The following ZSWIM6 variants were observed in gnomAD, a reference collection of about 807,000 sequenced individuals.
ZSWIM6 encodes zinc finger SWIM domain-containing protein 6.
ZSWIM6 carries 9 observed loss-of-function variants against 113.2 expected under a neutral mutation model. That is an observed-to-expected ratio of 0.08 (90% CI 0.05 to 0.14). The LOEUF is 0.14. ZSWIM6 is among the 10% of genes least tolerant of loss of function. ZSWIM6 has a pLI of 1.00. For synonymous variants in ZSWIM6, 611 were observed against 606.5 expected (o/e 1.01, Z -0.11); for missense variants, 1,162 against 1,552.2 (o/e 0.75, Z 4.22).
chr5:61,455,627 C>T (rs2218526), intron 1 of ZSWIM6, among the ~76,000 whole-genome samples: 24,164 of 152,098 alleles, frequency 0.16, 2,167 homozygotes, highest in African/African-American at 0.22. Flanking sequence ...AGGGAGCAGA[C>T]GGAGCACTTG....
At position 61,406,729 on chromosome 5, in the gene ZSWIM6, T is replaced by TA. The variant is rs1561225267; in HGVS notation, c.677-65952_677-65951insA. Among the ~76,000 whole-genome samples the TA allele has an allele frequency of 5.3e-5, 8 of 151,108 alleles. No homozygotes were observed. The East Asian group carries it at 9.7e-4, about 18-fold the overall frequency. On this transcript the variant is annotated intron_variant, in intron 1 of 13. Coordinates refer to ENST00000252744, the MANE Select transcript of ZSWIM6 (RefSeq NM_020928.2). ...TTATTTATTTATTTATTTATTTATT[T>TA]TGAGACAGAGTCTTGCTCTGTCACC...
chr5:61,339,511 G>A (rs1251754199), intron 1 of ZSWIM6, among the ~76,000 whole-genome samples: 1 of 151,334 alleles, frequency 6.6e-6, no homozygotes, highest in Non-Finnish European at 1.5e-5. Flanking sequence ...AAATAAATTT[G>A]GTACCTTTAT....
intron 1 of ZSWIM6, among the ~76,000 whole-genome samples, chr5:61,413,188 A>G (rs1746180767): frequency 1.0e-5 from 1 of 99,216 alleles, no homozygotes; most frequent in African/African-American, 4.0e-5. Context: ...CCACCCCACA[A>G]CAGTCCCCAG....
chr5:61,348,481 C>T (rs879268208), intron 1 of ZSWIM6, among the ~76,000 whole-genome samples: 10 of 152,056 alleles, frequency 6.6e-5, no homozygotes, highest in Non-Finnish European at 1.5e-4. Flanking sequence ...TTCATACTTC[C>T]TGTTAAAGAT....
In ZSWIM6 at chr5:61,472,652, ACCCT is replaced by A; in HGVS notation, c.677-24_677-21del. Reference sequence around the variant, plus strand: ...CATAGCATCTGAATGCAGAAGCTAAACCCTCCCTTTCTTTCTTTCACCCTCAAGG... The same window carrying A: ...CATAGCATCTGAATGCAGAAGCTAAACCCTTTCTTTCTTTCACCCTCAAGG... On this transcript the variant is annotated intron_variant, in intron 1 of 13. Coordinates refer to ENST00000252744, the MANE Select transcript of ZSWIM6 (RefSeq NM_020928.2). The surrounding 1 kb of genome is among the most constrained non-coding windows in gnomAD (Gnocchi z 4.1). 2 of 1,457,076 alleles carry A rather than the reference ACCCT, an allele frequency of 1.4e-6. No homozygotes were observed. Among genetic ancestry groups the A allele is most frequent in the South Asian group, 2.9e-5 (2 of 70,068 alleles). The allele number at this position is 1,457,076 out of a possible 1,614,324, so 90.3% of individuals were successfully genotyped here.
chr5:61,429,435 G>C (rs982823072), intron 1 of ZSWIM6, among the ~76,000 whole-genome samples: 5 of 152,194 alleles, frequency 3.3e-5, no homozygotes, highest in African/African-American at 4.8e-5. Flanking sequence ...AGAAAATTTA[G>C]GGGAAGGCCT....
At chr5:61,397,324 A>G (rs1286199884) in intron 1 of ZSWIM6, among the ~76,000 whole-genome samples, 1 of 152,244 alleles carries the variant, frequency 6.6e-6, no homozygotes, top group Admixed American at 6.5e-5. Context: ...TGGATTTACC[A>G]CTGATAAATT....
Position 61,516,789 on chromosome 5 carries a change from A to G in ZSWIM6, c.1334-4474A>G, listed in dbSNP as rs553334758. On this transcript the variant is annotated intron_variant, in intron 4 of 13. Coordinates refer to ENST00000252744, the MANE Select transcript of ZSWIM6 (RefSeq NM_020928.2). Reference sequence around the variant, plus strand: ...AACTTCCAAGTTTCCTTCTGATACTATTTCTCCTCGGCATAAAGAATTTCC... The same window carrying G: ...AACTTCCAAGTTTCCTTCTGATACTGTTTCTCCTCGGCATAAAGAATTTCC... Among the ~76,000 whole-genome samples the G allele has an allele frequency of 1.3e-3, 193 of 151,840 alleles. 1 individual carries two copies. The highest frequency in any genetic ancestry group is 3.1e-3 in the South Asian group (15 of 4,810).
intron 1 of ZSWIM6, 61 bp downstream of exon 1, chr5:61,333,009 G>GGGGGCGCC: frequency 2.3e-6 from 1 of 439,904 alleles, no homozygotes; most frequent in Non-Finnish European, 3.2e-6. Context: ...TGGGGGGGGG[G>GGGGGCGCC]TGCCCGCCTT....
At chr5:61,541,461 C>G (rs969767655) in intron 12 of ZSWIM6, among the ~76,000 whole-genome samples, 6 of 152,194 alleles carry the variant, frequency 3.9e-5, no homozygotes, top group Non-Finnish European at 7.3e-5. Flanking sequence ...TAAAATACCT[C>G]TTTCCCCACT....
At chr5:61,527,409 T>C (rs1749317737) in intron 7 of ZSWIM6, among the ~76,000 whole-genome samples, 1 of 152,192 alleles carries the variant, frequency 6.6e-6, no homozygotes, top group Non-Finnish European at 1.5e-5. Flanking sequence ...AGAGTATAAC[T>C]AAAAATTATT....
At chr5:61,427,542 G>T (rs1380043445) in intron 1 of ZSWIM6, among the ~76,000 whole-genome samples, 1 of 151,970 alleles carries the variant, frequency 6.6e-6, no homozygotes, top group East Asian at 1.9e-4. Flanking sequence ...GTAGTGGCAT[G>T]TTTGTAACTT....
intron 1 of ZSWIM6, among the ~76,000 whole-genome samples, chr5:61,445,448 T>A (rs999213797): frequency 2.6e-5 from 4 of 152,212 alleles, no homozygotes; most frequent in Non-Finnish European, 5.9e-5. Flanking sequence ...GCAACATTTG[T>A]ATATATTTTG....
intron 1 of ZSWIM6, among the ~76,000 whole-genome samples, chr5:61,386,124 A>G (rs1400770158): frequency 6.6e-6 from 1 of 152,220 alleles, no homozygotes; most frequent in Non-Finnish European, 1.5e-5. Context: ...TGAAGTTGTA[A>G]AAAGCTCTCC....
chr5:61,432,179 A>G (rs1314427305), intron 1 of ZSWIM6, among the ~76,000 whole-genome samples: 3 of 152,196 alleles, frequency 2.0e-5, no homozygotes, highest in Non-Finnish European at 2.9e-5. Flanking sequence ...ATTTCAAAAC[A>G]ATTTTGCTTC....
chr5:61,545,080 CAAA>C lies in ZSWIM6; in HGVS notation c.*771_*773del, dbSNP rs11406379. 2.0e-5 allele frequency: 3 copies of C among 148,672 alleles called. No individual in the cohort carries two copies. The highest frequency in any genetic ancestry group is 4.9e-5 in the African/African-American group (2 of 40,576). 9.2% of individuals were successfully genotyped at this position (148,672 alleles called of 1,614,324 possible). On this transcript the variant is annotated 3_prime_UTR_variant, in exon 14 of 14. Transcript: ENST00000252744. ...GCAGTAGCTTGGTTTTAAACAAAAA[CAAA>C]AAAAAAACTGAGAGAAAACCTATCA...
chr5:61,468,182 T>C (rs1462759497), intron 1 of ZSWIM6, among the ~76,000 whole-genome samples: 1 of 152,224 alleles, frequency 6.6e-6, no homozygotes, highest in Non-Finnish European at 1.5e-5. Flanking sequence ...ATATAAGATA[T>C]GTAGCATTTA....
intron 1 of ZSWIM6, chr5:61,347,595 G>A (rs1478749699): frequency 1.3e-5 from 2 of 153,078 alleles, no homozygotes; most frequent in Non-Finnish European, 2.9e-5. Context: ...GGAGAAAAAG[G>A]CCTCACCTAC....
At chr5:61,521,582 C>T (rs1270088457) in intron 5 of ZSWIM6, 140 bp downstream of exon 5, 1 of 560,188 alleles carries the variant, frequency 1.8e-6, no homozygotes, top group Non-Finnish European at 2.8e-6. Flanking sequence ...TATGTGTTGA[C>T]TGTGAGTGTA....
Sources: gnomAD v4.1 joint callset for allele counts (sites outside exome capture counted in the v4.1 genomes callset) on GRCh38, gnomAD v4.1.1 for gene constraint, Gnocchi (gnomAD v3.1) non-coding constraint, MANE v1.5 for transcripts, NCBI Gene and HGNC (gene_info 2026-07-23, HGNC 2026-07-21) for gene names.